ACTG2: variants seen among roughly 807,000 people sequenced by gnomAD.
The protein encoded by ACTG2 is actin, gamma-enteric smooth muscle.
Under a neutral mutation model 37.6 loss-of-function variants are expected in ACTG2, and 16 were observed. The observed-to-expected ratio is 0.43, with a 90% CI of 0.29 to 0.65. ACTG2 has a LOEUF of 0.65. Among genes scored for constraint, ACTG2 ranks in the 30% least tolerant of loss-of-function variants. The probability of loss-of-function intolerance (pLI) is 0.18; values close to 1 mark genes in which losing one functional copy is unlikely to be tolerated. For missense variants in ACTG2, 238 were observed against 490.9 expected (o/e 0.48, Z 4.87); for synonymous variants, 181 against 179.9 (o/e 1.01, Z -0.05).
intron 1 of ACTG2, among the ~76,000 whole-genome samples, chr2:73,894,785 A>G (rs944301020): frequency 6.6e-6 from 1 of 152,030 alleles, no homozygotes; most frequent in African/African-American, 2.4e-5. Context: ...AAGTGGCTCA[A>G]TTCCACTGAA....
intron 3 of ACTG2, among the ~76,000 whole-genome samples, chr2:73,907,149 TC>T (rs1553395602): frequency 6.6e-6 from 1 of 152,202 alleles, no homozygotes; most frequent in Non-Finnish European, 1.5e-5. Flanking sequence ...ACCTCTTCTT[TC>T]ACTTAAAATG....
chr2:73,913,716 G>T (rs994255609), intron 6 of ACTG2, 70 bp downstream of exon 6: 9 of 1,335,318 alleles, frequency 6.7e-6, no homozygotes, highest in South Asian at 1.4e-5. Context: ...AAGTTCTCAG[G>T]ACCAATGAGA....
rs768290597 is a variant in ACTG2 at position 73,902,698 on chromosome 2, C to A, written c.255+210C>A. On this transcript the variant is annotated intron_variant, in intron 3 of 8. Coordinates refer to ENST00000345517, the MANE Select transcript of ACTG2 (RefSeq NM_001615.4). ...ATTGCAATGGCTTCCTGGCTGATTT[C>A]TTGGTCTCTTGCCCTCATTCACCGA... 1.7e-4 allele frequency: 259 copies of A among 1,551,438 alleles called. No homozygotes were observed. The highest frequency in any genetic ancestry group is 2.2e-4 in the Non-Finnish European group (249 of 1,147,144).
At chr2:73,914,587 A>C in intron 6 of ACTG2, 93 bp from the exon 7 acceptor site, 2 of 805,064 alleles carry the variant, frequency 2.5e-6, no homozygotes, top group Non-Finnish European at 3.7e-6. Flanking sequence ...AGAATAAAGT[A>C]GATGTGAGAA....
At chr2:73,906,265 C>G (rs1680012977) in intron 3 of ACTG2, among the ~76,000 whole-genome samples, 1 of 151,458 alleles carries the variant, frequency 6.6e-6, no homozygotes, top group Non-Finnish European at 1.5e-5. Context: ...TCCTGGCTAA[C>G]ACGGTGAAAC....
At chr2:73,910,435 C>T (rs1229596162) in intron 5 of ACTG2, among the ~76,000 whole-genome samples, 1 of 114,302 alleles carries the variant, frequency 8.7e-6, no homozygotes. Context: ...AGCGTGATCT[C>T]GGCTCATTGC....
intron 1 of ACTG2, among the ~76,000 whole-genome samples, chr2:73,896,440 G>C (rs924150595): frequency 1.3e-5 from 2 of 152,042 alleles, no homozygotes; most frequent in Admixed American, 6.6e-5. Flanking sequence ...AATGTCTACG[G>C]CACCTTCATT....
chr2:73,907,901 A>G (rs1337878636), intron 3 of ACTG2, among the ~76,000 whole-genome samples: 2 of 152,248 alleles, frequency 1.3e-5, no homozygotes, highest in African/African-American at 4.8e-5. Flanking sequence ...TTAAAGCACC[A>G]GCCTGGCCAA....
intron 7 of ACTG2, 82 bp from the exon 8 acceptor site, chr2:73,916,502 C>G (rs1057484037): frequency 3.8e-6 from 5 of 1,307,250 alleles, no homozygotes; most frequent in Non-Finnish European, 1.1e-6. Context: ...TTGCAACAAT[C>G]GAAGAAGGGT....
chr2:73,910,496 C>CTTTTT (rs1207318059), intron 5 of ACTG2, among the ~76,000 whole-genome samples: 2 of 80,590 alleles, frequency 2.5e-5, no homozygotes, highest in African/African-American at 4.6e-5. Flanking sequence ...CCTCCCATGA[C>CTTTTT]TTTTTTTTTT....
chr2:73,908,442 A>G, intron 3 of ACTG2: 1 of 620,236 alleles, frequency 1.6e-6, no homozygotes, highest in Non-Finnish European at 3.0e-6. Context: ...AATGGAAATA[A>G]TGAACACATA....
chr2:73,902,644 C>A, intron 3 of ACTG2, 156 bp downstream of exon 3: 1 of 1,552,204 alleles, frequency 6.4e-7, no homozygotes, highest in African/African-American at 1.4e-5. Flanking sequence ...ATTTCTCCAA[C>A]CTAGGCTGCC....
chr2:73,911,944 C>T (rs1195127734), intron 5 of ACTG2, among the ~76,000 whole-genome samples: 3 of 152,238 alleles, frequency 2.0e-5, no homozygotes, highest in African/African-American at 7.2e-5. Flanking sequence ...ATTCATCCAT[C>T]ATATATTTTC....
At chr2:73,916,868 T>C in intron 8 of ACTG2, 103 bp downstream of exon 8, 1 of 1,356,008 alleles carries the variant, frequency 7.4e-7, no homozygotes, top group Non-Finnish European at 1.0e-6. Flanking sequence ...CTTGCTGGTC[T>C]CCTGGGTTCA....
Position 73,902,404 on chromosome 2 carries a change from T to C in ACTG2, c.171T>C (p.Asp57=), listed in dbSNP as rs1679911351. The stretch of plus-strand genomic sequence containing the variant: ...GCCAGAAAGACAGCTATGTGGGGGA[T>C]GAGGCTCAGAGCAAGCGAGGGATCC... ...GMGQKDSYVG[D]EAQSKRGILT... Residue 57 remains aspartate (D), a synonymous_variant, in exon 3 of 9, where the codon GAT becomes GAC. Coordinates refer to ENST00000345517, the MANE Select transcript of ACTG2 (RefSeq NM_001615.4). 2 of 1,614,026 alleles carry C rather than the reference T, an allele frequency of 1.2e-6. No homozygotes were observed. Among genetic ancestry groups the C allele is most frequent in the East Asian group, 2.2e-5 (1 of 44,882 alleles).
chr2:73,898,459 T>C (rs1428013211), intron 1 of ACTG2, among the ~76,000 whole-genome samples: 1 of 150,838 alleles, frequency 6.6e-6, no homozygotes, highest in Non-Finnish European at 1.5e-5. Context: ...TTTTTTGATA[T>C]TGAGATTGTT....
intron 3 of ACTG2, among the ~76,000 whole-genome samples, chr2:73,904,248 C>CAAA (rs61261289): frequency 3.2e-3 from 207 of 65,126 alleles, no homozygotes; most frequent in East Asian, 3.4e-3. Context: ...GACCATGTCT[C>CAAA]AAAAAAAAAA....
intron 5 of ACTG2, among the ~76,000 whole-genome samples, 177 bp from the exon 6 acceptor site, chr2:73,913,308 G>A (rs903170758): frequency 4.6e-5 from 7 of 152,086 alleles, no homozygotes; most frequent in African/African-American, 1.4e-4. Flanking sequence ...TCACTGGGGG[G>A]AAAAAAGTGA....
At chr2:73,916,892 C>T in intron 8 of ACTG2, 127 bp downstream of exon 8, 5 of 1,110,354 alleles carry the variant, frequency 4.5e-6, no homozygotes, top group Non-Finnish European at 6.3e-6. Flanking sequence ...TCATCCTGGA[C>T]TGGAGCCAAT....
Sources: allele counts gnomAD v4.1 joint callset (sites outside exome capture counted in the v4.1 genomes callset), GRCh38; gene constraint gnomAD v4.1.1; transcripts MANE v1.5; gene names NCBI Gene and HGNC (gene_info 2026-07-23, HGNC 2026-07-21).